DENND1A: variants seen among roughly 807,000 people sequenced by gnomAD.
DENND1A encodes DENN domain containing 1A.
In DENND1A, 51 loss-of-function variants were observed where a neutral mutation model predicts 113.7. That is an observed-to-expected ratio of 0.45 (90% confidence interval 0.36 to 0.57). The LOEUF (loss-of-function observed/expected upper bound fraction) is 0.57. DENND1A is among the 20% of genes least tolerant of loss of function. DENND1A has a pLI of 0.00. For synonymous variants in DENND1A, 565 were observed against 570.8 expected, an observed-to-expected ratio of 0.99 and a Z score of 0.14; for missense variants, 1,258 against 1,395.9, an observed-to-expected ratio of 0.90 and a Z score of 1.57.
intron 12 of DENND1A, among the ~76,000 whole-genome samples, chr9:123,567,520 AG>A (rs1259274793): frequency 6.6e-6 from 1 of 152,246 alleles, no homozygotes; most frequent in Non-Finnish European, 1.5e-5. Context: ...CTAATGAACC[AG>A]AACATTAATG....
intron 2 of DENND1A, among the ~76,000 whole-genome samples, chr9:123,817,161 A>C (rs1328843211): frequency 6.6e-6 from 1 of 152,096 alleles, no homozygotes; most frequent in Middle Eastern, 3.2e-3. Flanking sequence ...GATGATCTCC[A>C]TGGTCAAAAT....
chr9:123,877,446 GC>G (rs1382518416), intron 2 of DENND1A, among the ~76,000 whole-genome samples: 1 of 152,132 alleles, frequency 6.6e-6, no homozygotes, highest in Non-Finnish European at 1.5e-5. Context: ...CCGAGATCAT[GC>G]CATTGCACTC....
chr9:123,702,168 C>T (rs756290880), intron 5 of DENND1A, among the ~76,000 whole-genome samples: 5 of 151,262 alleles, frequency 3.3e-5, no homozygotes, highest in South Asian at 2.1e-4. Flanking sequence ...TAAATAAAAA[C>T]GCAATAGAGA....
At chr9:123,608,905 TAAAG>T (rs1322197667) in intron 11 of DENND1A, among the ~76,000 whole-genome samples, 1 of 152,078 alleles carries the variant, frequency 6.6e-6, no homozygotes, top group Non-Finnish European at 1.5e-5. Flanking sequence ...TTAATTAAAA[TAAAG>T]ACACAAAATT....
At chr9:123,880,543 C>T (rs1848169457) in intron 1 of DENND1A, among the ~76,000 whole-genome samples, 1 of 152,114 alleles carries the variant, frequency 6.6e-6, no homozygotes, top group African/African-American at 2.4e-5. Flanking sequence ...TTCTGAGTTG[C>T]CTAATCATCT....
At chr9:123,617,144 T>C (rs2060690889) in intron 10 of DENND1A, among the ~76,000 whole-genome samples, 1 of 152,224 alleles carries the variant, frequency 6.6e-6, no homozygotes, top group Admixed American at 6.5e-5. Context: ...CAAGCTTTTT[T>C]CTTTTTAGGG....
At chr9:123,810,148 G>C (rs1836303548) in intron 2 of DENND1A, among the ~76,000 whole-genome samples, 1 of 152,120 alleles carries the variant, frequency 6.6e-6, no homozygotes, top group African/African-American at 2.4e-5. Context: ...AAAGATTACT[G>C]GCCTGGGGTA....
chr9:123,394,027 T>C (rs900513708), intron 21 of DENND1A, among the ~76,000 whole-genome samples: 1 of 151,334 alleles, frequency 6.6e-6, no homozygotes, highest in African/African-American at 2.4e-5. Flanking sequence ...AGTCTCACTC[T>C]GTTGCCCAGG....
chr9:123,695,524 A>G (rs2065458166), intron 5 of DENND1A, among the ~76,000 whole-genome samples: 1 of 152,026 alleles, frequency 6.6e-6, no homozygotes, highest in African/African-American at 2.4e-5. Flanking sequence ...CCTCTAGAGA[A>G]CTCTGACTAA....
intron 5 of DENND1A, among the ~76,000 whole-genome samples, chr9:123,756,078 T>C (rs367543619): frequency 1.2e-4 from 19 of 152,296 alleles, no homozygotes; most frequent in African/African-American, 4.6e-4. Context: ...ACCCAGCTAA[T>C]TTTTGTATTT....
intron 2 of DENND1A, among the ~76,000 whole-genome samples, chr9:123,798,019 A>G (rs569174845): frequency 1.3e-5 from 2 of 152,336 alleles, no homozygotes; most frequent in South Asian, 2.1e-4. Flanking sequence ...TTATTTAAAA[A>G]AAATCTATTC....
At chr9:123,434,426 G>C (rs2046367278) in intron 19 of DENND1A, among the ~76,000 whole-genome samples, 1 of 152,232 alleles carries the variant, frequency 6.6e-6, no homozygotes, top group African/African-American at 2.4e-5. Context: ...AGAATTACAA[G>C]CATAGCAACA....
intron 5 of DENND1A, among the ~76,000 whole-genome samples, chr9:123,728,399 C>T (rs2067870396): frequency 6.8e-6 from 1 of 146,456 alleles, no homozygotes; most frequent in Non-Finnish European, 1.5e-5. Flanking sequence ...ACTGCTTGAA[C>T]CCAGGAGGCA....
chr9:123,788,172 G>A (rs193085378), intron 3 of DENND1A, among the ~76,000 whole-genome samples: 26 of 152,182 alleles, frequency 1.7e-4, no homozygotes, highest in African/African-American at 3.4e-4. Flanking sequence ...TTAATTCTAC[G>A]TGTTTTCGTA....
chr9:123,923,409 G>A (rs1014797924), intron 1 of DENND1A, among the ~76,000 whole-genome samples: 1 of 152,182 alleles, frequency 6.6e-6, no homozygotes, highest in Non-Finnish European at 1.5e-5. Flanking sequence ...GGACAGGGAG[G>A]ACAGCACTGT....
intron 5 of DENND1A, among the ~76,000 whole-genome samples, chr9:123,736,912 C>A (rs1285120108): frequency 2.6e-5 from 4 of 152,164 alleles, no homozygotes; most frequent in African/African-American, 9.7e-5. Context: ...ACTCATCTTT[C>A]TGCTATCCTA....
At chr9:123,500,059 G>A (rs1332762548) in intron 13 of DENND1A, among the ~76,000 whole-genome samples, 1 of 152,200 alleles carries the variant, frequency 6.6e-6, no homozygotes, top group Non-Finnish European at 1.5e-5. Flanking sequence ...GATAACTAGT[G>A]AGTACTGGCC....
chr9:123,665,993 T>C (rs927785280), intron 8 of DENND1A, among the ~76,000 whole-genome samples: 3 of 152,214 alleles, frequency 2.0e-5, no homozygotes, highest in Non-Finnish European at 2.9e-5. Flanking sequence ...TGTGAAGTAC[T>C]ATATGGAGAG....
chr9:123,842,703 T>C (rs1262455040), intron 2 of DENND1A, among the ~76,000 whole-genome samples: 1 of 152,218 alleles, frequency 6.6e-6, no homozygotes, highest in East Asian at 1.9e-4. Context: ...TAAAGAAGAA[T>C]GAATACCAAT....
Sources: gnomAD v4.1 joint callset for allele counts (sites outside exome capture counted in the v4.1 genomes callset) on GRCh38, gnomAD v4.1.1 for gene constraint, MANE v1.5 for transcripts, NCBI Gene and HGNC (gene_info 2026-07-23, HGNC 2026-07-21) for gene names.